COG5: variants seen among roughly 807,000 people sequenced by gnomAD.
COG5 encodes conserved oligomeric Golgi complex subunit 5.
Under a neutral mutation model 110.4 loss-of-function variants are expected in COG5, and 86 were observed. That is an observed-to-expected ratio of 0.78 (90% CI 0.65 to 0.93). COG5 has a LOEUF of 0.93. Ranked by LOEUF, COG5 falls within the 40% of genes least tolerant of loss-of-function variation. The pLI, the probability that COG5 is intolerant of heterozygous loss-of-function variation, is 0.00. For missense variants in COG5, 1,077 were observed against 987.0 expected (o/e 1.09, Z -1.22); for synonymous variants, 360 against 334.6 (o/e 1.08, Z -0.83).
Position 107,563,878 on chromosome 7 carries a change from T to C in COG5, c.19A>G (p.Ser7Gly). 6.2e-7 allele frequency: 1 copy of C among 1,613,608 alleles called. No individual in the cohort carries two copies. Among genetic ancestry groups the C allele is most frequent in the African/African-American group, 1.3e-5 (1 of 75,042 alleles). The change falls in exon 1 of 22, where the codon AGC becomes GGC. Residue 7 changes from serine (S) to glycine (G), a missense_variant. By Grantham distance (56) the Ser-to-Gly change is moderately conservative. Transcript: ENST00000297135. ...GCTCCGAGGCCAGCTACAGCGACGCTGCCGCCGCCACCTTCCATGTTGGCA... is the reference window on the plus strand; with the variant it reads ...GCTCCGAGGCCAGCTACAGCGACGCCGCCGCCGCCACCTTCCATGTTGGCA... Reference protein sequence around the residue: MEGGGGSVAVAGLGARG... With the variant: MEGGGGGVAVAGLGARG...
At chr7:107,375,558 G>C (rs1262183428) in intron 7 of COG5, among the ~76,000 whole-genome samples, 1 of 152,018 alleles carries the variant, frequency 6.6e-6, no homozygotes, top group East Asian at 1.9e-4. Flanking sequence ...TTTTGAGTGA[G>C]TACTATGATT....
intron 16 of COG5, among the ~76,000 whole-genome samples, chr7:107,248,719 A>G (rs1802250683): frequency 6.6e-6 from 1 of 151,662 alleles, no homozygotes; most frequent in Non-Finnish European, 1.5e-5. Context: ...CAACACCCCC[A>G]CTCTTCTTAT....
chr7:107,483,847 A>G (rs16872337), intron 6 of COG5, among the ~76,000 whole-genome samples: 2,249 of 152,032 alleles, frequency 0.015, 56 homozygotes, highest in African/African-American at 0.052. Context: ...AGTCTCATAA[A>G]GTACCCTAAA....
chr7:107,371,467 A>G (rs1277708292), intron 8 of COG5, among the ~76,000 whole-genome samples: 1 of 152,140 alleles, frequency 6.6e-6, no homozygotes, highest in Non-Finnish European at 1.5e-5. Flanking sequence ...AAAATTAAAA[A>G]TTAATAAATA....
At chr7:107,317,340 T>C (rs779900055) in intron 11 of COG5, among the ~76,000 whole-genome samples, 3 of 152,066 alleles carry the variant, frequency 2.0e-5, no homozygotes, top group African/African-American at 7.2e-5. Flanking sequence ...CAGAGGCGCA[T>C]AGACAGAGAA....
intron 6 of COG5, among the ~76,000 whole-genome samples, chr7:107,459,031 A>G (rs1795832828): frequency 6.6e-6 from 1 of 152,002 alleles, no homozygotes; most frequent in South Asian, 2.1e-4. Context: ...AAAGGGTAGG[A>G]AACAGAAAAA....
chr7:107,332,572 G>T (rs139907656), intron 10 of COG5, among the ~76,000 whole-genome samples: 283 of 152,274 alleles, frequency 1.9e-3, no homozygotes, highest in Admixed American at 3.4e-3. Context: ...GATTTAAGAA[G>T]AAGTGGTCAA....
intron 7 of COG5, among the ~76,000 whole-genome samples, chr7:107,394,530 C>T (rs961159941): frequency 6.6e-6 from 1 of 152,114 alleles, no homozygotes; most frequent in African/African-American, 2.4e-5. Context: ...AACACTGTAA[C>T]CAAAGCAACT....
intron 6 of COG5, chr7:107,471,960 T>C (rs1796658342): frequency 6.6e-6 from 1 of 152,010 alleles, no homozygotes. Flanking sequence ...TTCAAAATAG[T>C]GAGCACTGCT....
intron 18 of COG5, among the ~76,000 whole-genome samples, chr7:107,235,444 C>T (rs1245261764): frequency 2.6e-5 from 4 of 152,218 alleles, no homozygotes; most frequent in Admixed American, 2.6e-4. Context: ...GTGGCTCACG[C>T]CTGTAATCCC....
intron 17 of COG5, among the ~76,000 whole-genome samples, chr7:107,246,975 C>A (rs766461824): frequency 4.6e-5 from 7 of 152,236 alleles, no homozygotes; most frequent in Admixed American, 6.5e-5. Context: ...AACCTAAATG[C>A]CCATCAATGA....
intron 6 of COG5, among the ~76,000 whole-genome samples, chr7:107,432,779 C>A (rs1443902495): frequency 1.3e-5 from 2 of 151,960 alleles, no homozygotes; most frequent in Non-Finnish European, 2.9e-5. Context: ...AAAAATTCTA[C>A]AAAAAATTTT....
chr7:107,227,535 T>A (rs1021068883), intron 19 of COG5, among the ~76,000 whole-genome samples: 4 of 152,176 alleles, frequency 2.6e-5, no homozygotes, highest in Non-Finnish European at 5.9e-5. Flanking sequence ...CATGTGAGAA[T>A]TGGAAAGGGT....
intron 6 of COG5, among the ~76,000 whole-genome samples, chr7:107,510,109 T>C (rs939275361): frequency 8.1e-6 from 1 of 123,228 alleles, no homozygotes; most frequent in African/African-American, 2.7e-5. Flanking sequence ...ACTGACAAAC[T>C]GGATAGAGTC....
At chr7:107,248,362 A>G (rs140944700) in intron 17 of COG5, 34 bp downstream of exon 17, 2 of 1,311,594 alleles carry the variant, frequency 1.5e-6, no homozygotes, top group East Asian at 2.3e-5. Context: ...TAAAGGCAGT[A>G]AAAGTTAGTA....
chr7:107,536,878 G>C (rs1442339733), intron 5 of COG5, among the ~76,000 whole-genome samples: 3 of 152,192 alleles, frequency 2.0e-5, no homozygotes, highest in Admixed American at 6.5e-5. Flanking sequence ...CAAGGCTACA[G>C]TAACCAAAAC....
intron 8 of COG5, among the ~76,000 whole-genome samples, chr7:107,363,361 A>T (rs2129046674): frequency 6.6e-6 from 1 of 152,352 alleles, no homozygotes; most frequent in Admixed American, 6.5e-5. Context: ...AAGACAAATG[A>T]AATTTTTCAA....
chr7:107,453,561 C>T (rs1026519231), intron 6 of COG5, among the ~76,000 whole-genome samples: 12 of 152,166 alleles, frequency 7.9e-5, no homozygotes, highest in African/African-American at 2.9e-4. Context: ...AATGCAAAAT[C>T]ACCTAATGTT....
At chr7:107,527,058 G>T (rs1800813728) in intron 6 of COG5, among the ~76,000 whole-genome samples, 179 bp downstream of exon 6, 1 of 152,102 alleles carries the variant, frequency 6.6e-6, no homozygotes, top group Admixed American at 6.6e-5. Context: ...GCATTTCAGT[G>T]AAATCAACTA....
Sources: allele counts gnomAD v4.1 joint callset (sites outside exome capture counted in the v4.1 genomes callset), GRCh38; gene constraint gnomAD v4.1.1; transcripts MANE v1.5; gene names NCBI Gene and HGNC (gene_info 2026-07-23, HGNC 2026-07-21).